The following SPIN1 variants were observed in gnomAD, a reference collection of about 807,000 sequenced individuals.
The protein encoded by SPIN1 is spindlin 1.
A neutral mutation model predicts 26.0 loss-of-function variants in SPIN1; 3 were observed. The observed-to-expected ratio is 0.12, with a 90% CI of 0.05 to 0.30. The LOEUF (loss-of-function observed/expected upper bound fraction) is 0.30, where lower values mean the gene tolerates loss of function less well. Ranked by LOEUF, SPIN1 falls within the 10% of genes least tolerant of loss-of-function variation. The pLI is 1.00. For synonymous variants in SPIN1, 101 were observed against 116.5 expected (o/e 0.87, Z 0.86); for missense variants, 126 against 333.4 (o/e 0.38, Z 4.84).
intron 5 of SPIN1, among the ~76,000 whole-genome samples, chr9:88,470,597 C>T (rs543200475): frequency 6.2e-5 from 8 of 128,712 alleles, no homozygotes; most frequent in African/African-American, 3.9e-4. Context: ...TATTGGCCCC[C>T]CCCCTTTTTT....
chr9:88,409,957 C>G (rs1247431266), intron 1 of SPIN1, among the ~76,000 whole-genome samples: 1 of 151,292 alleles, frequency 6.6e-6, no homozygotes, highest in Non-Finnish European at 1.5e-5. Flanking sequence ...TTACCAGTCC[C>G]CCTGTAACCC....
chr9:88,474,205 C>T (rs541952382), intron 5 of SPIN1, among the ~76,000 whole-genome samples: 3 of 152,264 alleles, frequency 2.0e-5, no homozygotes, highest in South Asian at 2.1e-4. Flanking sequence ...CCTGCTACTA[C>T]GAGGAAAAGA....
chr9:88,392,397 A>C (rs553801700), intron 1 of SPIN1, among the ~76,000 whole-genome samples: 48 of 152,282 alleles, frequency 3.2e-4, no homozygotes, highest in African/African-American at 1.1e-3. Flanking sequence ...ACATGCATAT[A>C]ATGAGGGAAT....
At chr9:88,411,345 G>A in intron 1 of SPIN1, 1 of 1,515,144 alleles carries the variant, frequency 6.6e-7, no homozygotes, top group East Asian at 2.3e-5. Context: ...CAGTCCGTGA[G>A]TGTCCCCCAT....
chr9:88,430,575 T>C (rs754624177), intron 2 of SPIN1, among the ~76,000 whole-genome samples: 6 of 152,204 alleles, frequency 3.9e-5, no homozygotes, highest in Admixed American at 1.3e-4. Flanking sequence ...ACATCTGCCA[T>C]GACCCCCAGT....
chr9:88,402,322 C>A (rs1056192431), intron 1 of SPIN1, among the ~76,000 whole-genome samples: 1 of 150,792 alleles, frequency 6.6e-6, no homozygotes, highest in Non-Finnish European at 1.5e-5. Flanking sequence ...GTGCTGGTAA[C>A]ATTTCAAGCC....
At chr9:88,466,771 C>G (rs1010375506) in intron 4 of SPIN1, among the ~76,000 whole-genome samples, 1 of 152,048 alleles carries the variant, frequency 6.6e-6, no homozygotes, top group Non-Finnish European at 1.5e-5. Flanking sequence ...GGGCCTCACT[C>G]CCGTAGCCCA....
At chr9:88,440,117 T>A (rs1459412463) in intron 2 of SPIN1, among the ~76,000 whole-genome samples, 1 of 151,894 alleles carries the variant, frequency 6.6e-6, no homozygotes, top group Non-Finnish European at 1.5e-5. Flanking sequence ...TCCACCTTTT[T>A]CCCTTCCTTA....
intron 2 of SPIN1, among the ~76,000 whole-genome samples, chr9:88,442,572 A>G (rs956970499): frequency 1.3e-5 from 2 of 151,648 alleles, no homozygotes; most frequent in East Asian, 2.0e-4. Context: ...TTTAGTAGAG[A>G]TGGGGTTTCA....
intron 2 of SPIN1, among the ~76,000 whole-genome samples, chr9:88,445,694 C>CT (rs921468394): frequency 6.8e-5 from 10 of 147,574 alleles, no homozygotes; most frequent in Admixed American, 1.4e-4. Context: ...CTATGCCCAG[C>CT]TTTTTTTTTT....
intron 2 of SPIN1, among the ~76,000 whole-genome samples, chr9:88,434,170 C>A (rs1827947196): frequency 6.6e-6 from 1 of 152,044 alleles, no homozygotes; most frequent in Non-Finnish European, 1.5e-5. Flanking sequence ...ACAAAGTTCA[C>A]TTAAAATAGT....
chr9:88,453,113 TCCTTTC>T (rs1018754876), intron 3 of SPIN1, among the ~76,000 whole-genome samples: 16 of 152,212 alleles, frequency 1.1e-4, no homozygotes, highest in Non-Finnish European at 1.8e-4. Flanking sequence ...CGTTTTCCTT[TCCTTTC>T]CCTTTCCCTT....
At chr9:88,473,318 G>A (rs767421791) in intron 5 of SPIN1, among the ~76,000 whole-genome samples, 33 of 152,102 alleles carry the variant, frequency 2.2e-4, no homozygotes, top group Non-Finnish European at 4.4e-4. Context: ...ACTTGAACCC[G>A]GGAGGCAGAA....
chr9:88,450,471 AG>A (rs1281106145), intron 3 of SPIN1, among the ~76,000 whole-genome samples: 2,550 of 152,298 alleles, frequency 0.017, 70 homozygotes, highest in African/African-American at 0.059. Context: ...AATAGGTTTG[AG>A]CTCTTGGGCA....
intron 1 of SPIN1, among the ~76,000 whole-genome samples, chr9:88,415,050 C>T (rs1322010675): frequency 6.6e-6 from 1 of 151,996 alleles, no homozygotes; most frequent in African/African-American, 2.4e-5. Context: ...ACTAAAGGTG[C>T]ATGCCACCAC....
chr9:88,389,451 G>A (rs1483800320), intron 1 of SPIN1: 1 of 152,170 alleles, frequency 6.6e-6, no homozygotes, highest in African/African-American at 2.4e-5. Flanking sequence ...CATCGTATAC[G>A]CATTTCAAAG....
chr9:88,428,999 G>A (rs376805397), intron 2 of SPIN1, among the ~76,000 whole-genome samples: 7 of 152,080 alleles, frequency 4.6e-5, no homozygotes, highest in African/African-American at 1.4e-4. Flanking sequence ...TCAGCCTCCC[G>A]ACTAGCTGGG....
At chr9:88,440,665 G>GC in intron 2 of SPIN1, among the ~76,000 whole-genome samples, 1 of 149,004 alleles carries the variant, frequency 6.7e-6, no homozygotes, top group Non-Finnish European at 1.5e-5. Context: ...TGCAACCTCC[G>GC]CCACCCGTGT....
chr9:88,421,279 G>A (rs1827661610), intron 1 of SPIN1, among the ~76,000 whole-genome samples: 1 of 152,006 alleles, frequency 6.6e-6, no homozygotes, highest in Admixed American at 6.6e-5. Context: ...AATTTTCCCA[G>A]TTGTCTTAAA....
Sources: allele counts gnomAD v4.1 joint callset (sites outside exome capture counted in the v4.1 genomes callset), GRCh38; gene constraint gnomAD v4.1.1; transcripts MANE v1.5; gene names NCBI Gene and HGNC (gene_info 2026-07-23, HGNC 2026-07-21).